CDH12: variants seen among roughly 807,000 people sequenced by gnomAD.
The protein encoded by CDH12 is cadherin-12.
In CDH12, 41 loss-of-function variants were observed where a neutral mutation model predicts 74.1. The ratio of observed to expected loss-of-function variants is 0.55; its 90% CI spans 0.43 to 0.72. CDH12 has a LOEUF of 0.72. CDH12 is among the 30% of genes least tolerant of loss of function. The pLI is 0.00. For missense variants in CDH12, 945 were observed against 977.2 expected (o/e 0.97, Z 0.44); for synonymous variants, 399 against 355.0 (o/e 1.12, Z -1.39).
chr5:22,432,457 T>C (rs1182155721), intron 2 of CDH12, among the ~76,000 whole-genome samples: 1 of 152,186 alleles, frequency 6.6e-6, no homozygotes, highest in African/African-American at 2.4e-5. Context: ...TGTTTACTAC[T>C]TTTCAATAGG....
At chr5:21,952,676 C>G (rs1755918249) in intron 6 of CDH12, among the ~76,000 whole-genome samples, 1 of 152,030 alleles carries the variant, frequency 6.6e-6, no homozygotes, top group Admixed American at 6.6e-5. Flanking sequence ...ACTATACTTT[C>G]TGTTATTGGA....
intron 1 of CDH12, among the ~76,000 whole-genome samples, chr5:22,697,531 C>CA (rs771136183): frequency 3.5e-5 from 5 of 141,912 alleles, no homozygotes; most frequent in Non-Finnish European, 7.5e-5. Context: ...GAGATAGCAC[C>CA]ACTGCACTCC....
intron 2 of CDH12, among the ~76,000 whole-genome samples, chr5:22,501,309 T>G (rs1390959609): frequency 6.6e-6 from 1 of 152,114 alleles, no homozygotes; most frequent in East Asian, 1.9e-4. Flanking sequence ...AATAGAAAAT[T>G]ACATAAAGGA....
At chr5:22,247,626 G>A (rs1475987861) in intron 3 of CDH12, among the ~76,000 whole-genome samples, 3 of 151,584 alleles carry the variant, frequency 2.0e-5, no homozygotes, top group African/African-American at 7.3e-5. Context: ...AGTGAGCTGA[G>A]ATCACATCAC....
In CDH12 at chr5:22,804,765, A is replaced by G. The variant is rs113998125; in HGVS notation, c.-523+48293T>C. Among the ~76,000 whole-genome samples the G allele has an allele frequency of 5.5e-3, 844 of 152,348 alleles. 6 individuals are homozygous for G. The highest frequency in any genetic ancestry group is 0.019 in the African/African-American group (794 of 41,580). ...ATTAATTATTGATTACACAATCAGT[A>G]CCATTACTAGTACAACCTAGACAAG... On this transcript the variant is annotated intron_variant, in intron 1 of 14. Coordinates refer to ENST00000382254, the MANE Select transcript of CDH12 (RefSeq NM_004061.5).
intron 14 of CDH12, among the ~76,000 whole-genome samples, chr5:21,753,074 A>C (rs1744190209): frequency 6.6e-6 from 1 of 152,198 alleles, no homozygotes; most frequent in South Asian, 2.1e-4. Flanking sequence ...ATGCATGAAT[A>C]GGCACAGATA....
intron 1 of CDH12, among the ~76,000 whole-genome samples, chr5:22,747,448 A>G (rs1314545232): frequency 7.0e-6 from 1 of 142,426 alleles, no homozygotes; most frequent in African/African-American, 2.6e-5. Context: ...ACAAAGTGAG[A>G]CCCTGTCTGT....
At chr5:21,892,650 C>T (rs1036028242) in intron 6 of CDH12, among the ~76,000 whole-genome samples, 3 of 151,816 alleles carry the variant, frequency 2.0e-5, no homozygotes, top group Admixed American at 6.6e-5. Context: ...TAAAGTTTTA[C>T]GTTTATAAAA....
At chr5:21,827,084 C>G (rs973201826) in intron 8 of CDH12, among the ~76,000 whole-genome samples, 5 of 152,016 alleles carry the variant, frequency 3.3e-5, no homozygotes, top group African/African-American at 9.7e-5. Flanking sequence ...TATCAGTCTA[C>G]AAATGAGCAA....
At chr5:22,732,852 T>A (rs1744503369) in intron 1 of CDH12, among the ~76,000 whole-genome samples, 1 of 151,860 alleles carries the variant, frequency 6.6e-6, no homozygotes. Context: ...TGTGAGACAA[T>A]AAATGTCCAT....
chr5:22,788,507 ATTCT>A (rs1561031519), intron 1 of CDH12, among the ~76,000 whole-genome samples: 1 of 149,692 alleles, frequency 6.7e-6, no homozygotes, highest in Non-Finnish European at 1.5e-5. Flanking sequence ...CATTCCAATA[ATTCT>A]TTATAATATA....
chr5:22,818,171 A>T (rs1190469894), intron 1 of CDH12, among the ~76,000 whole-genome samples: 1 of 152,180 alleles, frequency 6.6e-6, no homozygotes, highest in Non-Finnish European at 1.5e-5. Context: ...CAAATAGAGT[A>T]GTCATTGCTG....
At chr5:22,143,739 T>A (rs1300005221) in intron 4 of CDH12, 1 of 152,154 alleles carries the variant, frequency 6.6e-6, no homozygotes, top group East Asian at 1.9e-4. Flanking sequence ...AGATTCAAAT[T>A]TATAGTAGAA....
At chr5:22,597,835 G>A (rs1341666439) in intron 1 of CDH12, among the ~76,000 whole-genome samples, 3 of 152,046 alleles carry the variant, frequency 2.0e-5, no homozygotes, top group Non-Finnish European at 2.9e-5. Flanking sequence ...TAATGTGCAG[G>A]TATTCAAGTA....
intron 2 of CDH12, among the ~76,000 whole-genome samples, chr5:22,477,136 G>A (rs1746201049): frequency 6.6e-6 from 1 of 152,122 alleles, no homozygotes; most frequent in Admixed American, 6.6e-5. Flanking sequence ...TTGTTACATA[G>A]GTAAACTTGT....
chr5:22,783,889 G>A (rs117531668), intron 1 of CDH12, among the ~76,000 whole-genome samples: 6 of 152,068 alleles, frequency 3.9e-5, no homozygotes, highest in East Asian at 1.9e-4. Flanking sequence ...ATTTTATAGC[G>A]ATTCTCCTCC....
intron 4 of CDH12, among the ~76,000 whole-genome samples, chr5:22,169,245 T>A (rs1748876254): frequency 1.3e-5 from 2 of 151,964 alleles, no homozygotes; most frequent in African/African-American, 4.8e-5. Flanking sequence ...TATATGCATA[T>A]AAAGAGATAC....
rs571528208 is a variant in CDH12 at position 22,058,295 on chromosome 5, A to T, written c.231+20151T>A. ...TGGTCTCAAACTCTTAAGCTCAGAC[A>T]ATCTGTCTGCCTCGGCCTCCCAAAG... On this transcript the variant is annotated intron_variant, in intron 5 of 14. Coordinates refer to ENST00000382254, the MANE Select transcript of CDH12 (RefSeq NM_004061.5). 3.9e-5 allele frequency among the ~76,000 whole-genome samples: 6 copies of T among 152,142 alleles called. No individual in the cohort carries two copies. In the South Asian group the frequency reaches 1.2e-3, roughly 32 times the overall value.
chr5:22,021,329 T>C (rs1159634214), intron 5 of CDH12, among the ~76,000 whole-genome samples: 1 of 152,160 alleles, frequency 6.6e-6, no homozygotes, highest in Non-Finnish European at 1.5e-5. Context: ...TTAGATCTGT[T>C]CCACCTGTAT....
Sources: allele counts gnomAD v4.1 joint callset (sites outside exome capture counted in the v4.1 genomes callset), GRCh38; gene constraint gnomAD v4.1.1; transcripts MANE v1.5; gene names NCBI Gene and HGNC (gene_info 2026-07-23, HGNC 2026-07-21).